The following KDM5B variants were observed in gnomAD, a reference collection of about 807,000 sequenced individuals.
KDM5B encodes lysine-specific demethylase 5B.
Under a neutral mutation model 193.4 loss-of-function variants are expected in KDM5B, and 144 were observed. The ratio of observed to expected loss-of-function variants is 0.74; its 90% CI spans 0.65 to 0.86. The LOEUF is 0.86. Among genes scored for constraint, KDM5B ranks in the 40% least tolerant of loss-of-function variants. The pLI is 0.00. For missense variants in KDM5B, 1,833 were observed against 1,886.9 expected, an observed-to-expected ratio of 0.97 and a Z score of 0.53; for synonymous variants, 668 against 682.6, an observed-to-expected ratio of 0.98 and a Z score of 0.33.
intron 4 of KDM5B, among the ~76,000 whole-genome samples, chr1:202,767,772 AAC>A (rs1280244721): frequency 1.3e-5 from 2 of 152,244 alleles, no homozygotes; most frequent in Non-Finnish European, 2.9e-5. Flanking sequence ...AACAGGCCAT[AAC>A]AGTCTCAAGG....
chr1:202,741,498 C>G lies in KDM5B; in HGVS notation c.2814G>C (p.Met938Ile). ...CTACCCCTAGGTCTATGAGACGTCTCATATCATCTAAAGTAAGGGAGCTGG... is the reference window on the plus strand; with the variant it reads ...CTACCCCTAGGTCTATGAGACGTCTGATATCATCTAAAGTAAGGGAGCTGG... Reference protein sequence around the residue: ...LDPSSLTLDDMRRLIDLGVGL... With the variant: ...LDPSSLTLDDIRRLIDLGVGL... The change falls in exon 19 of 27, where the codon ATG becomes ATC. Residue 938 changes from methionine to isoleucine, a missense_variant. Physicochemically the swap from Met to Ile is conservative, Grantham distance 10. Transcript: ENST00000367265. 6.2e-7 allele frequency: 1 copy of G among 1,614,230 alleles called. No individual in the cohort carries two copies. Among genetic ancestry groups the G allele is most frequent in the South Asian group, 1.1e-5 (1 of 91,076 alleles).
chr1:202,731,169 C>A (rs1453138713), intron 24 of KDM5B, 106 bp from the exon 25 acceptor site: 6 of 783,352 alleles, frequency 7.7e-6, no homozygotes, highest in African/African-American at 1.7e-5. Context: ...ACCACTACTA[C>A]CCTCTCCTTC....
intron 1 of KDM5B, among the ~76,000 whole-genome samples, chr1:202,788,559 T>TGTATTGGTATTGGTATTGGTATTG (rs71142560): frequency 6.6e-6 from 1 of 151,184 alleles, no homozygotes; most frequent in African/African-American, 2.4e-5. Context: ...TGATCTGTAT[T>TGTATTGGTATTGGTATTGGTATTG]GTATTGGTAT....
chr1:202,766,778 A>T, intron 5 of KDM5B, 148 bp downstream of exon 5: 1 of 861,936 alleles, frequency 1.2e-6, no homozygotes, highest in Non-Finnish European at 1.7e-6. Context: ...ACCCAAGTGT[A>T]AAAGCTGGAA....
chr1:202,735,715 G>A, intron 21 of KDM5B, 128 bp from the exon 22 acceptor site: 1 of 808,246 alleles, frequency 1.2e-6, no homozygotes, highest in Non-Finnish European at 2.0e-6. Context: ...ATTTTCTTTG[G>A]AACATGCAAC....
chr1:202,747,420 A>C (rs1017214687), intron 14 of KDM5B, among the ~76,000 whole-genome samples: 2 of 152,142 alleles, frequency 1.3e-5, no homozygotes, highest in Non-Finnish European at 2.9e-5. Context: ...TTTTGATGTA[A>C]GACTTTGGTA....
At chr1:202,736,144 G>A in intron 21 of KDM5B, 69 bp downstream of exon 21, 4 of 1,109,028 alleles carry the variant, frequency 3.6e-6, no homozygotes, top group Non-Finnish European at 5.1e-6. Context: ...ATCTTTGTAT[G>A]TGATGAACTG....
chr1:202,807,768 G>T (rs1658366627), intron 1 of KDM5B, among the ~76,000 whole-genome samples: 1 of 151,390 alleles, frequency 6.6e-6, no homozygotes, highest in Non-Finnish European at 1.5e-5. Context: ...GCTCCGTGAG[G>T]AAACTCCCCC....
At chr1:202,756,334 T>C (rs1310366415) in intron 10 of KDM5B, 24 bp downstream of exon 10, 2 of 1,560,124 alleles carry the variant, frequency 1.3e-6, no homozygotes, top group Admixed American at 4.0e-5. Flanking sequence ...AATACCTCAA[T>C]TTCCAAGCCA....
At chr1:202,763,979 T>C (rs1293114813) in intron 6 of KDM5B, 70 bp downstream of exon 6, 1 of 871,042 alleles carries the variant, frequency 1.1e-6, no homozygotes, top group African/African-American at 1.7e-5. Flanking sequence ...TTTCAGCTTA[T>C]GTTTACTTAT....
Position 202,741,367 on chromosome 1 carries a change from C to T in KDM5B, c.2945G>A (p.Arg982Lys), listed in dbSNP as rs375980094. 6.6e-7 allele frequency: 1 copy of T among 1,521,798 alleles called. No individual in the cohort carries two copies. Among genetic ancestry groups the T allele is most frequent in the Non-Finnish European group, 8.8e-7 (1 of 1,136,578 alleles). The allele number at this position is 1,521,798 out of a possible 1,614,324, so 94.3% of individuals were successfully genotyped here. Residue 982 changes from arginine (R) to lysine (K), a missense_variant and splice_region_variant, in exon 19 of 27, where the codon AGG becomes AAG. Coordinates refer to ENST00000367265, the MANE Select transcript of KDM5B (RefSeq NM_006618.5). The stretch of plus-strand genomic sequence containing the variant: ...AAGAAAGAGAAGTCTGCTTTTTCAC[C>T]TGGCCTTGAGGAGACTCTTGGCTTT... ...DDKAKSLLKA[R>K]PRHSLNSLAT...
At chr1:202,760,284 C>G (rs1273670401) in intron 8 of KDM5B, 131 bp downstream of exon 8, 1 of 640,874 alleles carries the variant, frequency 1.6e-6, no homozygotes, top group African/African-American at 1.9e-5. Context: ...CCACTGCACT[C>G]CAGCCTGGGC....
intron 16 of KDM5B, among the ~76,000 whole-genome samples, chr1:202,745,625 A>C (rs1042694190): frequency 6.6e-6 from 1 of 152,220 alleles, no homozygotes; most frequent in African/African-American, 2.4e-5. Context: ...TTGTTAAGTA[A>C]GTGATGTTGC....
chr1:202,787,722 TAA>T (rs572469409), intron 1 of KDM5B, among the ~76,000 whole-genome samples: 6 of 145,378 alleles, frequency 4.1e-5, no homozygotes, highest in African/African-American at 1.5e-4. Context: ...GTCTCTACTT[TAA>T]AAAAAAAAAA....
chr1:202,741,375 G>T lies in KDM5B; in HGVS notation c.2937C>A (p.Leu979=). The T allele has an allele frequency of 6.5e-7, 1 of 1,538,150 alleles. No individual in the cohort carries two copies. The highest frequency in any genetic ancestry group is 8.7e-7 in the Non-Finnish European group (1 of 1,145,004). The change falls in exon 19 of 27, where the codon CTC becomes CTA. Residue 979 remains leucine (L), a synonymous_variant. Transcript: ENST00000367265. ...EHWDDKAKSL[L]KARPRHSLNS... is the part of the protein sequence containing the mutation. Reference sequence around the variant, plus strand: ...GAAGTCTGCTTTTTCACCTGGCCTTGAGGAGACTCTTGGCTTTGTCGTCCC... The same window carrying T: ...GAAGTCTGCTTTTTCACCTGGCCTTTAGGAGACTCTTGGCTTTGTCGTCCC...
At chr1:202,796,546 T>G (rs1401822178) in intron 1 of KDM5B, 1 of 174,220 alleles carries the variant, frequency 5.7e-6, no homozygotes, top group Non-Finnish European at 1.2e-5. Flanking sequence ...ACTGCAATCA[T>G]CAGTGCCCTG....
At position 202,773,240 on chromosome 1, in the gene KDM5B, A is replaced by G; in HGVS notation, c.454T>C (p.Trp152Arg). 1 of 1,614,180 alleles carries G rather than the reference A, an allele frequency of 6.2e-7. No individual in the cohort carries two copies. Among genetic ancestry groups the G allele is most frequent in the Non-Finnish European group, 8.5e-7 (1 of 1,180,026 alleles). The change falls in exon 4 of 27, where the codon TGG (tryptophan) becomes CGG (arginine). Residue 152 changes from tryptophan to arginine, a missense_variant. Coordinates refer to ENST00000367265, the MANE Select transcript of KDM5B (RefSeq NM_006618.5). Reference sequence around the variant, plus strand: ...CCCATCTTGGTAGCAATTTTGGTCCATTTTCTATCCTTGCAAACAACTGCA... The same window carrying G: ...CCCATCTTGGTAGCAATTTTGGTCCGTTTTCTATCCTTGCAAACAACTGCA... Reference protein sequence around the residue: ...GFAVVCKDRKWTKIATKMGFA... With the variant: ...GFAVVCKDRKRTKIATKMGFA...
intron 9 of KDM5B, 56 bp downstream of exon 9, chr1:202,758,333 TAC>T: frequency 2.7e-6 from 4 of 1,476,942 alleles, no homozygotes; most frequent in Non-Finnish European, 3.7e-6. Context: ...GGTCTTCAGG[TAC>T]ACTTTTCTCC....
chr1:202,776,913 A>G, intron 2 of KDM5B, 104 bp downstream of exon 2: 1 of 802,922 alleles, frequency 1.2e-6, no homozygotes, highest in Non-Finnish European at 2.1e-6. Context: ...AAATCTAAAA[A>G]CAGATTTACA....
Sources: allele counts gnomAD v4.1 joint callset (sites outside exome capture counted in the v4.1 genomes callset), GRCh38; gene constraint gnomAD v4.1.1; transcripts MANE v1.5; gene names NCBI Gene and HGNC (gene_info 2026-07-23, HGNC 2026-07-21).